The following LSAMP variants were observed in gnomAD, a reference collection of about 807,000 sequenced individuals.
The protein encoded by LSAMP is limbic system associated membrane protein.
Under a neutral mutation model 38.6 loss-of-function variants are expected in LSAMP, and 7 were observed. The ratio of observed to expected loss-of-function variants is 0.18; its 90% confidence interval spans 0.10 to 0.34. The LOEUF (loss-of-function observed/expected upper bound fraction) is 0.34, where lower values mean the gene tolerates loss of function less well. Ranked by LOEUF, LSAMP falls within the 10% of genes least tolerant of loss-of-function variation. LSAMP has a pLI of 1.00. For missense variants in LSAMP, 313 were observed against 420.0 expected, an observed-to-expected ratio of 0.75 and a Z score of 2.23; for synonymous variants, 154 against 166.8, an observed-to-expected ratio of 0.92 and a Z score of 0.59.
At chr3:116,346,365 G>A (rs2107759602) in intron 1 of LSAMP, among the ~76,000 whole-genome samples, 1 of 137,760 alleles carries the variant, frequency 7.3e-6, no homozygotes, top group South Asian at 2.3e-4. Context: ...GTCTCATTCT[G>A]TTGGCCAAGA....
At chr3:116,146,507 G>T (rs1709493643) in intron 1 of LSAMP, among the ~76,000 whole-genome samples, 1 of 151,828 alleles carries the variant, frequency 6.6e-6, no homozygotes, top group Non-Finnish European at 1.5e-5. Context: ...AATAATATTT[G>T]TTGACACCTT....
At chr3:116,199,570 G>T (rs890735668) in intron 1 of LSAMP, among the ~76,000 whole-genome samples, 2 of 152,132 alleles carry the variant, frequency 1.3e-5, no homozygotes, top group Non-Finnish European at 2.9e-5. Flanking sequence ...AGTCTGCTAG[G>T]ATAAATAAAT....
At chr3:116,089,943 A>AT (rs1339194230) in intron 1 of LSAMP, among the ~76,000 whole-genome samples, 1 of 152,120 alleles carries the variant, frequency 6.6e-6, no homozygotes, top group Non-Finnish European at 1.5e-5. Flanking sequence ...AACTTTCTTA[A>AT]TAAAAAATGA....
At chr3:115,838,468 A>G (rs1934868861) in intron 6 of LSAMP, among the ~76,000 whole-genome samples, 1 of 152,216 alleles carries the variant, frequency 6.6e-6, no homozygotes, top group African/African-American at 2.4e-5. Flanking sequence ...CATCTATGTC[A>G]TGCATATCCC....
At chr3:116,259,363 G>A (rs1365191557) in intron 1 of LSAMP, among the ~76,000 whole-genome samples, 2 of 152,092 alleles carry the variant, frequency 1.3e-5, no homozygotes, top group Admixed American at 6.6e-5. Context: ...CATTGCTCTA[G>A]AGGTATAAGA....
Position 116,086,306 on chromosome 3 carries a change from A to G in LSAMP, c.388+18T>C, listed in dbSNP as rs1378843011. On this transcript the variant is annotated intron_variant, in intron 2 of 6. Coordinates refer to ENST00000490035, the MANE Select transcript of LSAMP (RefSeq NM_002338.5). ...CCCACCTCTTTCTTACCACCCTTCT[A>G]TCCCACACTTTCCTTACCTTGTACG... 1 of 1,597,810 alleles carries G rather than the reference A, an allele frequency of 6.3e-7. No individual in the cohort carries two copies. Among genetic ancestry groups the G allele is most frequent in the South Asian group, 1.1e-5 (1 of 90,718 alleles).
chr3:116,320,593 A>G (rs2047695134), intron 1 of LSAMP, among the ~76,000 whole-genome samples: 1 of 152,188 alleles, frequency 6.6e-6, no homozygotes, highest in African/African-American at 2.4e-5. Flanking sequence ...AGAATGAGTT[A>G]GGAACCAAAT....
chr3:116,281,552 C>A (rs1007684657), intron 1 of LSAMP, among the ~76,000 whole-genome samples: 1 of 152,124 alleles, frequency 6.6e-6, no homozygotes, highest in Non-Finnish European at 1.5e-5. Context: ...GATGACACCA[C>A]CTTACAGAAC....
chr3:116,100,766 T>A (rs1708328319), intron 1 of LSAMP, among the ~76,000 whole-genome samples: 1 of 152,244 alleles, frequency 6.6e-6, no homozygotes, highest in Non-Finnish European at 1.5e-5. Flanking sequence ...ATCAGTTCAC[T>A]TAACCTAGCT....
chr3:115,923,659 T>C (rs548730270), intron 3 of LSAMP, among the ~76,000 whole-genome samples: 4 of 152,318 alleles, frequency 2.6e-5, no homozygotes, highest in Admixed American at 1.3e-4. Context: ...TCTTCTCCTT[T>C]AAAGAAAATG....
At chr3:116,309,637 AG>A in intron 1 of LSAMP, among the ~76,000 whole-genome samples, 1 of 152,276 alleles carries the variant, frequency 6.6e-6, no homozygotes, top group South Asian at 2.1e-4. Context: ...TGCTTTAAAA[AG>A]AACAAGAGTC....
intron 1 of LSAMP, among the ~76,000 whole-genome samples, chr3:116,171,025 A>G (rs754788465): frequency 1.2e-4 from 18 of 152,256 alleles, no homozygotes; most frequent in Middle Eastern, 3.4e-3. Flanking sequence ...AAAAGCATGA[A>G]AACTGGAATA....
intron 3 of LSAMP, among the ~76,000 whole-genome samples, chr3:115,890,529 G>T (rs947180756): frequency 2.0e-5 from 3 of 151,828 alleles, no homozygotes; most frequent in African/African-American, 7.3e-5. Context: ...TCTCACAGCC[G>T]GTTGAAGTTG....
chr3:116,342,611 A>G (rs1169393224), intron 1 of LSAMP, among the ~76,000 whole-genome samples: 1 of 152,088 alleles, frequency 6.6e-6, no homozygotes, highest in East Asian at 1.9e-4. Flanking sequence ...GAAAAAGCTT[A>G]TATTTTGAAA....
intron 3 of LSAMP, among the ~76,000 whole-genome samples, chr3:116,006,337 C>T (rs936667886): frequency 2.0e-5 from 3 of 152,094 alleles, no homozygotes; most frequent in Admixed American, 1.3e-4. Flanking sequence ...GAGCCCTCAT[C>T]GGAACCTGAG....
intron 2 of LSAMP, among the ~76,000 whole-genome samples, 198 bp downstream of exon 2, chr3:116,086,126 A>G (rs546755385): frequency 5.3e-5 from 8 of 152,314 alleles, no homozygotes; most frequent in South Asian, 4.1e-4. Flanking sequence ...ACTGGCTCTC[A>G]GTAACAGGAG....
chr3:116,396,651 A>C (rs1284183525), intron 1 of LSAMP, among the ~76,000 whole-genome samples: 1 of 152,208 alleles, frequency 6.6e-6, no homozygotes, highest in African/African-American at 2.4e-5. Context: ...ATCTAGCAGT[A>C]TATCCATTAT....
At chr3:116,158,801 T>C (rs1322117528) in intron 1 of LSAMP, among the ~76,000 whole-genome samples, 1 of 152,138 alleles carries the variant, frequency 6.6e-6, no homozygotes, top group Non-Finnish European at 1.5e-5. Flanking sequence ...TTCAGAGATA[T>C]TCCTATCAAA....
chr3:115,823,634 CA>C (rs1330189629), intron 6 of LSAMP, among the ~76,000 whole-genome samples: 1 of 152,024 alleles, frequency 6.6e-6, no homozygotes, highest in African/African-American at 2.4e-5. Context: ...CAAATCAATG[CA>C]TTTTTTTAAA....
Sources: gnomAD v4.1 joint callset for allele counts (sites outside exome capture counted in the v4.1 genomes callset) on GRCh38, gnomAD v4.1.1 for gene constraint, MANE v1.5 for transcripts, NCBI Gene and HGNC (gene_info 2026-07-23, HGNC 2026-07-21) for gene names.